Variants in ENPP6 observed in about 807,000 individuals in gnomAD.
ENPP6 encodes the protein ectonucleotide pyrophosphatase/phosphodiesterase 6, also known as glycerophosphocholine cholinephosphodiesterase ENPP6.
In ENPP6, 32 loss-of-function variants were observed where a neutral mutation model predicts 42.0. The observed-to-expected ratio is 0.76, with a 90% CI of 0.58 to 1.02. The LOEUF (loss-of-function observed/expected upper bound fraction) is 1.02. Among genes scored for constraint, ENPP6 ranks in the 50% least tolerant of loss-of-function variants. The probability of loss-of-function intolerance (pLI) is 0.00; values close to 1 mark genes in which losing one functional copy is unlikely to be tolerated. For synonymous variants in ENPP6, 213 were observed against 216.0 expected, an observed-to-expected ratio of 0.99 and a Z score of 0.12; for missense variants, 552 against 566.8, an observed-to-expected ratio of 0.97 and a Z score of 0.27.
intron 1 of ENPP6, among the ~76,000 whole-genome samples, chr4:184,209,225 A>G (rs1733068028): frequency 6.6e-6 from 1 of 151,538 alleles, no homozygotes; most frequent in African/African-American, 2.4e-5. Context: ...AATGGAACAA[A>G]GCTGGATGGA....
chr4:184,155,250 G>C (rs967317754), intron 1 of ENPP6, among the ~76,000 whole-genome samples: 1 of 152,156 alleles, frequency 6.6e-6, no homozygotes, highest in African/African-American at 2.4e-5. Context: ...ATCATATTAA[G>C]AGAGCCCCTC....
Position 184,133,160 on chromosome 4 carries a change from T to TTCAC in ENPP6, c.422-8892_422-8889dup, listed in dbSNP as rs1246186542. ...ATAAATTTTAGAATCAACCTGTCAA[T>TTCAC]TCACACACACACACACACACACACA... On this transcript the variant is annotated intron_variant, in intron 2 of 7. Transcript: ENST00000296741. 4.2e-3 allele frequency among the ~76,000 whole-genome samples: 521 copies of TTCAC among 124,444 alleles called. 2 individuals carry two copies. The highest frequency in any genetic ancestry group is 0.012 in the African/African-American group (453 of 38,236). 81.6% of individuals were successfully genotyped at this position (124,444 alleles called of 152,430 possible).
chr4:184,157,204 C>T (rs887329424), intron 1 of ENPP6, among the ~76,000 whole-genome samples: 2 of 152,176 alleles, frequency 1.3e-5, no homozygotes, highest in Admixed American at 6.5e-5. Flanking sequence ...CTTGATGTTT[C>T]TTCTTAGTAG....
chr4:184,199,449 C>T (rs1160912891), intron 1 of ENPP6, among the ~76,000 whole-genome samples: 5 of 152,188 alleles, frequency 3.3e-5, no homozygotes, highest in Non-Finnish European at 7.3e-5. Flanking sequence ...CTGCTTTCAA[C>T]CTTTAAAGAA....
At chr4:184,127,591 C>G (rs1736525029) in intron 2 of ENPP6, among the ~76,000 whole-genome samples, 1 of 152,136 alleles carries the variant, frequency 6.6e-6, no homozygotes, top group African/African-American at 2.4e-5. Flanking sequence ...AACCCTGCCT[C>G]TACCAAAAAT....
chr4:184,164,069 G>C (rs79049228), intron 1 of ENPP6, among the ~76,000 whole-genome samples: 6 of 152,292 alleles, frequency 3.9e-5, no homozygotes, highest in Non-Finnish European at 8.8e-5. Flanking sequence ...CGTCCTGTTC[G>C]CCTCTGGGAG....
intron 1 of ENPP6, among the ~76,000 whole-genome samples, chr4:184,185,745 A>G (rs982815333): frequency 1.3e-5 from 2 of 152,264 alleles, no homozygotes; most frequent in South Asian, 4.1e-4. Context: ...ACCAAAATAC[A>G]AAACAAAAAG....
At chr4:184,177,257 G>A (rs1737580327) in intron 1 of ENPP6, among the ~76,000 whole-genome samples, 1 of 152,188 alleles carries the variant, frequency 6.6e-6, no homozygotes, top group Non-Finnish European at 1.5e-5. Context: ...TCATGGCCAG[G>A]CTACCTCTTT....
intron 2 of ENPP6, among the ~76,000 whole-genome samples, chr4:184,132,864 C>G (rs923196664): frequency 6.7e-6 from 1 of 148,388 alleles, no homozygotes; most frequent in Non-Finnish European, 1.5e-5. Flanking sequence ...TATAAAATCT[C>G]CAATTGATCT....
chr4:184,112,271 A>G (rs1208473673), intron 6 of ENPP6, among the ~76,000 whole-genome samples: 1 of 152,250 alleles, frequency 6.6e-6, no homozygotes, highest in Non-Finnish European at 1.5e-5. Context: ...GGGGACTCAC[A>G]GTCTCGTTTG....
chr4:184,122,958 C>T (rs1415631530), intron 3 of ENPP6, among the ~76,000 whole-genome samples: 3 of 152,150 alleles, frequency 2.0e-5, no homozygotes, highest in East Asian at 1.9e-4. Flanking sequence ...CGCAATATAC[C>T]GGCTCATCCT....
At chr4:184,095,900 C>T (rs1421818328) in intron 7 of ENPP6, among the ~76,000 whole-genome samples, 1 of 152,092 alleles carries the variant, frequency 6.6e-6, no homozygotes, top group Non-Finnish European at 1.5e-5. Context: ...TTCCTAATTC[C>T]TTTAGCTTTG....
chr4:184,179,890 A>G (rs200362019), intron 1 of ENPP6, among the ~76,000 whole-genome samples: 1 of 152,054 alleles, frequency 6.6e-6, no homozygotes, highest in Non-Finnish European at 1.5e-5. Context: ...AGGGAAATTT[A>G]TAGCACTGAA....
At chr4:184,115,433 C>A (rs1298997797) in intron 5 of ENPP6, among the ~76,000 whole-genome samples, 1 of 152,174 alleles carries the variant, frequency 6.6e-6, no homozygotes, top group African/African-American at 2.4e-5. Flanking sequence ...TACTGCCAGG[C>A]AGAATATTTG....
At chr4:184,163,661 T>A (rs548200280) in intron 1 of ENPP6, among the ~76,000 whole-genome samples, 1 of 152,254 alleles carries the variant, frequency 6.6e-6, no homozygotes, top group Non-Finnish European at 1.5e-5. Context: ...AATTCCTCAA[T>A]TGCATGAACG....
chr4:184,167,941 C>T (rs1300345572), intron 1 of ENPP6, among the ~76,000 whole-genome samples: 3 of 152,170 alleles, frequency 2.0e-5, no homozygotes, highest in African/African-American at 7.2e-5. Flanking sequence ...CTTTAGGGAT[C>T]AAAGAGCAAC....
intron 6 of ENPP6, among the ~76,000 whole-genome samples, chr4:184,100,521 C>T (rs562300665): frequency 4.3e-4 from 66 of 152,252 alleles, no homozygotes; most frequent in Admixed American, 1.0e-3. Context: ...CCAGATCTGG[C>T]CGAAGGTGAG....
In ENPP6 at chr4:184,112,891, C is replaced by A. The variant is rs890615135; in HGVS notation, c.856-82G>T. ...TTACTGGAGCTAGGGGAGAGGAGAA[C>A]TTACGTATAAGACCAAAGAAAGAAA... On this transcript the variant is annotated intron_variant, in intron 5 of 7. Transcript: ENST00000296741. 78 of 1,398,868 alleles carry A rather than the reference C, an allele frequency of 5.6e-5. No homozygotes were observed. The African/African-American group carries it at 1.0e-3, about 18-fold the overall frequency. 86.7% of individuals were successfully genotyped at this position (1,398,868 alleles called of 1,614,324 possible).
intron 1 of ENPP6, among the ~76,000 whole-genome samples, chr4:184,197,239 T>G (rs1579660720): frequency 6.6e-6 from 1 of 151,188 alleles, no homozygotes; most frequent in Admixed American, 6.6e-5. Flanking sequence ...CACCTCCCCC[T>G]GGGCCAAATT....
Sources: gnomAD v4.1 joint callset for allele counts (sites outside exome capture counted in the v4.1 genomes callset) on GRCh38, gnomAD v4.1.1 for gene constraint, MANE v1.5 for transcripts, NCBI Gene and HGNC (gene_info 2026-07-23, HGNC 2026-07-21) for gene names.